GGA1: variants seen among roughly 807,000 people sequenced by gnomAD.
GGA1 encodes the protein ADP-ribosylation factor-binding protein GGA1.
In GGA1, 18 loss-of-function variants were observed where a neutral mutation model predicts 76.9. The observed-to-expected ratio is 0.23, with a 90% CI of 0.16 to 0.35. The LOEUF (loss-of-function observed/expected upper bound fraction) is 0.35. Ranked by LOEUF, GGA1 falls within the 10% of genes least tolerant of loss-of-function variation. GGA1 has a pLI of 1.00. For synonymous variants in GGA1, 342 were observed against 354.7 expected (o/e 0.96, Z 0.40); for missense variants, 755 against 859.0 (o/e 0.88, Z 1.51).
rs941202531 is a variant in GGA1, at chr22:37,623,953, T to C, written c.832+320T>C. 2 of 309,640 alleles carry C rather than the reference T, an allele frequency of 6.5e-6. No homozygotes were observed. The highest frequency in any genetic ancestry group is 4.3e-5 in the African/African-American group (2 of 46,888). The allele number at this position is 309,640 out of a possible 1,614,324, so 19.2% of individuals were successfully genotyped here. A position where few individuals can be genotyped will look rare whatever the true frequency, so the allele number is the denominator to read the frequency against. On this transcript the variant is annotated intron_variant, in intron 9 of 16. Coordinates refer to ENST00000343632, the MANE Select transcript of GGA1 (RefSeq NM_013365.5). This position sits in a 1 kb window ranked among gnomAD's most constrained non-coding sequence, Gnocchi z 4.6. ...TTGCCCAGATCACAGAGCAGAACAG[T>C]GGCAGAGCCAGGGGAGACGGAGGGC...
At position 37,625,800 on chromosome 22, in the gene GGA1, G is replaced by C. The variant is rs537234149; in HGVS notation, c.944G>C (p.Ser315Thr). The change falls in exon 11 of 17, where the codon AGC (serine) becomes ACC (threonine). Residue 315 changes from serine (S) to threonine (T), a missense_variant. Ser to Thr is a moderately conservative substitution (Grantham distance 58). Transcript: ENST00000343632. The surrounding 1 kb of genome is among the most constrained non-coding windows in gnomAD (Gnocchi z 4.1). Reference protein sequence around the residue: ...GDATAGSIPGSTSALLDLSGL... With the variant: ...GDATAGSIPGTTSALLDLSGL... ...AGCCTCTTCTTTCCCACCCCAGGGA[G>C]CACCTCGGCCCTGCTGGATCTCTCA... is the stretch of plus-strand genomic sequence containing the variant. 1 of 1,567,358 alleles carries C rather than the reference G, an allele frequency of 6.4e-7. No homozygotes were observed. Among genetic ancestry groups the C allele is most frequent in the South Asian group, 1.2e-5 (1 of 85,030 alleles).
chr22:37,616,234 G>A (rs1041624182), intron 2 of GGA1, among the ~76,000 whole-genome samples: 3 of 152,164 alleles, frequency 2.0e-5, no homozygotes, highest in Non-Finnish European at 4.4e-5. Context: ...TGCTGCTTGG[G>A]TACGAGTCCT....
At chr22:37,609,135 C>G (rs1296916277) in intron 1 of GGA1, 3 of 1,473,846 alleles carry the variant, frequency 2.0e-6, no homozygotes, top group Non-Finnish European at 9.0e-7. Flanking sequence ...ATCCCTGGGC[C>G]ATGACCCCTG....
intron 1 of GGA1, 85 bp downstream of exon 1, chr22:37,608,988 G>A (rs1176537262): frequency 2.2e-6 from 3 of 1,339,572 alleles, no homozygotes; most frequent in Non-Finnish European, 2.9e-6. Context: ...GGCGGGGTAC[G>A]GGTCGCCCCC....
intron 1 of GGA1, among the ~76,000 whole-genome samples, chr22:37,611,740 A>G (rs570315580): frequency 1.3e-5 from 2 of 152,222 alleles, no homozygotes; most frequent in East Asian, 1.9e-4. Context: ...CTCGGTGCTC[A>G]GGCGTGGGCA....
rs534279990 is a variant in GGA1, at chr22:37,632,867, TC to T, written c.*161del. The T allele has an allele frequency of 9.0e-4, 546 of 604,146 alleles. 1 individual carries two copies. The highest frequency in any genetic ancestry group is 9.0e-3 in the African/African-American group (490 of 54,262). The allele number at this position is 604,146 out of a possible 1,614,324, so 37.4% of individuals were successfully genotyped here. A position where few individuals can be genotyped will look rare whatever the true frequency, so the allele number is the denominator to read the frequency against. On this transcript the variant is annotated 3_prime_UTR_variant, in exon 17 of 17. Coordinates refer to ENST00000343632, the MANE Select transcript of GGA1 (RefSeq NM_013365.5). The surrounding 1 kb of genome is among the most constrained non-coding windows in gnomAD (Gnocchi z 5.1). ...ACCCCTGTAGGCCTCAAGTGACTCT[TC>T]CCCCTCCTGCTCCGGCCCCGCCCCT...
chr22:37,620,146 G>T, intron 4 of GGA1, 92 bp from the exon 5 acceptor site: 2 of 1,458,062 alleles, frequency 1.4e-6, no homozygotes, highest in Non-Finnish European at 1.9e-6. Flanking sequence ...TTCCCGGGGA[G>T]TCCTGGGGAG....
In GGA1 at chr22:37,625,101, G is replaced by A; in HGVS notation, c.940+25G>A. The A allele has an allele frequency of 6.4e-7, 1 of 1,560,086 alleles. No homozygotes were observed. Among genetic ancestry groups the A allele is most frequent in the Non-Finnish European group, 8.7e-7 (1 of 1,150,382 alleles). ...GGTGAGGAGGTGGCAGGAGAGCTGG[G>A]AGGGCACCCATCAGGCTGGAGGGGC... is the stretch of plus-strand genomic sequence containing the variant. On this transcript the variant is annotated intron_variant, in intron 10 of 16. Transcript: ENST00000343632. This position sits in a 1 kb window ranked among gnomAD's most constrained non-coding sequence, Gnocchi z 4.1.
In GGA1 at chr22:37,621,680, A is replaced by G; in HGVS notation, c.593A>G (p.Lys198Arg). 1.3e-6 allele frequency: 2 copies of G among 1,555,950 alleles called. No homozygotes were observed. Among genetic ancestry groups the G allele is most frequent in the Non-Finnish European group, 1.7e-6 (2 of 1,149,002 alleles). ...CTCCGCGCAGCCAATAAGCTCATCA[A>G]AGAGATGGTGCAGGAGGTAGCGGCC... The part of the protein sequence containing the change: ...EDLRAANKLI[K>R]EMVQEDQKRM... The change falls in exon 7 of 17, where the codon AAA (lysine) becomes AGA (arginine). Residue 198 changes from lysine (K) to arginine (R), a missense_variant. Physicochemically the swap from Lys to Arg is conservative, Grantham distance 26. Transcript: ENST00000343632.
intron 1 of GGA1, chr22:37,609,137 T>C (rs13055343): frequency 0.04 from 58,502 of 1,471,954 alleles, 4,933 homozygotes; most frequent in African/African-American, 0.33. Context: ...CCCTGGGCCA[T>C]GACCCCTGGG....
In GGA1 at chr22:37,632,708, C is replaced by T. The variant is rs370868546; in HGVS notation, c.1917C>T (p.Leu639=). ...QFPPPETWGS[L] is the part of the protein sequence containing the mutation. ...CCCCACCTGAAACCTGGGGTAGCCT[C>T]TAGAACAGAGGGGCTGGGGAGAGGA... Residue 639 remains leucine, a synonymous_variant, in exon 17 of 17, where the codon CTC becomes CTT. Coordinates refer to ENST00000343632, the MANE Select transcript of GGA1 (RefSeq NM_013365.5). This position sits in a 1 kb window ranked among gnomAD's most constrained non-coding sequence, Gnocchi z 5.1. 1.9e-6 allele frequency: 3 copies of T among 1,572,256 alleles called. No homozygotes were observed. Among genetic ancestry groups the T allele is most frequent in the African/African-American group, 2.7e-5 (2 of 73,868 alleles).
chr22:37,618,886 G>A (rs1929313332), intron 4 of GGA1, among the ~76,000 whole-genome samples: 1 of 152,168 alleles, frequency 6.6e-6, no homozygotes, highest in Admixed American at 6.5e-5. Flanking sequence ...ATCACTCCCT[G>A]TGGACCTGGC....
rs1929188838 is a variant in GGA1, at chr22:37,618,254, C to T, written c.205-194C>T. ...ATTGCTGGGCACTGTATGTAGGTCGCCTGACCCTATCTCCCATGGGAGTGA... is the reference window on the plus strand; with the variant it reads ...ATTGCTGGGCACTGTATGTAGGTCGTCTGACCCTATCTCCCATGGGAGTGA... On this transcript the variant is annotated intron_variant, in intron 3 of 16. Transcript: ENST00000343632. The T allele has an allele frequency of 8.8e-6, 5 of 567,164 alleles. No homozygotes were observed. The South Asian group carries it at 1.1e-4, about 12-fold the overall frequency. 35.1% of individuals were successfully genotyped at this position (567,164 alleles called of 1,614,324 possible).
chr22:37,611,356 G>A (rs546413468), intron 1 of GGA1, among the ~76,000 whole-genome samples: 3 of 151,802 alleles, frequency 2.0e-5, no homozygotes, highest in African/African-American at 2.4e-5. Context: ...AGAGCCCTCC[G>A]AAAGCCCTCC....
rs8137345 is a variant in GGA1, at chr22:37,619,360, C to T, written c.303+814C>T. 2.5e-3 allele frequency among the ~76,000 whole-genome samples: 376 copies of T among 151,266 alleles called. 2 individuals are homozygous for T. Among genetic ancestry groups the T allele is most frequent in the African/African-American group, 8.8e-3 (361 of 41,152 alleles). On this transcript the variant is annotated intron_variant, in intron 4 of 16. Transcript: ENST00000343632. ...GATTACAGGCGTGAGCCACCATGCC[C>T]GGCCTACCTACCGTGAACATTTTTT...
At position 37,618,293 on chromosome 22, in the gene GGA1, A is replaced by G; in HGVS notation, c.205-155A>G. ...CCATGGGAGTGATGACCAGTCCCAG[A>G]GGCCTGTGTGACTCTGAATCTTCCA... On this transcript the variant is annotated intron_variant, in intron 3 of 16. Coordinates refer to ENST00000343632, the MANE Select transcript of GGA1 (RefSeq NM_013365.5). The G allele has an allele frequency of 6.7e-6, 4 of 599,998 alleles. 1 individual carries two copies. In the South Asian group the frequency reaches 7.8e-5, roughly 12 times the overall value. The allele number at this position is 599,998 out of a possible 1,614,324, so 37.2% of individuals were successfully genotyped here. A position where few individuals can be genotyped will look rare whatever the true frequency, so the allele number is the denominator to read the frequency against.
Position 37,625,516 on chromosome 22 carries a change from G to A in GGA1, c.941-281G>A, listed in dbSNP as rs993517424. On this transcript the variant is annotated intron_variant, in intron 10 of 16. Coordinates refer to ENST00000343632, the MANE Select transcript of GGA1 (RefSeq NM_013365.5). The surrounding 1 kb of genome is among the most constrained non-coding windows in gnomAD (Gnocchi z 4.1). ...GTTAGGGAGAAGTGGAGATGGAGGC[G>A]CTGCACGGAAGCAGCCAAGTTTCAG... is the stretch of plus-strand genomic sequence containing the variant. Among the ~76,000 whole-genome samples the A allele has an allele frequency of 3.3e-5, 5 of 152,090 alleles. No homozygotes were observed. Among genetic ancestry groups the A allele is most frequent in the South Asian group, 2.1e-4 (1 of 4,832 alleles).
chr22:37,632,844 C>G lies in GGA1; in HGVS notation c.*133C>G. The G allele has an allele frequency of 1.6e-6, 1 of 632,268 alleles. No homozygotes were observed. Among genetic ancestry groups the G allele is most frequent in the South Asian group, 1.8e-5 (1 of 54,996 alleles). 39.2% of individuals were successfully genotyped at this position (632,268 alleles called of 1,614,324 possible). A position where few individuals can be genotyped will look rare whatever the true frequency, so the allele number is the denominator to read the frequency against. ...CCAGGCCTGGTGCTTCTCCCCACAC[C>G]CCTGTAGGCCTCAAGTGACTCTTCC... On this transcript the variant is annotated 3_prime_UTR_variant, in exon 17 of 17. Transcript: ENST00000343632. This position sits in a 1 kb window ranked among gnomAD's most constrained non-coding sequence, Gnocchi z 5.1.
At chr22:37,609,313 C>A (rs1306564186) in intron 1 of GGA1, 4 of 1,109,150 alleles carry the variant, frequency 3.6e-6, no homozygotes, top group African/African-American at 3.4e-5. Flanking sequence ...TTTTCAGGCC[C>A]CGAATCCTCC....
Sources: gnomAD v4.1 joint callset for allele counts (sites outside exome capture counted in the v4.1 genomes callset) on GRCh38, gnomAD v4.1.1 for gene constraint, Gnocchi (gnomAD v3.1) non-coding constraint, MANE v1.5 for transcripts, NCBI Gene and HGNC (gene_info 2026-07-23, HGNC 2026-07-21) for gene names.